Variants in HFE observed in about 807,000 individuals in gnomAD.
HFE encodes the protein hereditary hemochromatosis protein.
In HFE, 36 loss-of-function variants were observed where a neutral mutation model predicts 40.9. The observed-to-expected ratio is 0.88, with a 90% confidence interval of 0.67 to 1.16. HFE has a LOEUF of 1.16. Among genes scored for constraint, HFE ranks in the 50% most tolerant of loss-of-function variants. HFE has a pLI of 0.00. For synonymous variants in HFE, 157 were observed against 165.4 expected, an observed-to-expected ratio of 0.95 and a Z score of 0.39; for missense variants, 376 against 432.0, an observed-to-expected ratio of 0.87 and a Z score of 1.15.
At chr6:26,088,298 A>G (rs556294989) in intron 1 of HFE, among the ~76,000 whole-genome samples, 1 of 152,380 alleles carries the variant, frequency 6.6e-6, no homozygotes, top group South Asian at 2.1e-4. Flanking sequence ...CATGTAAGCA[A>G]TGCACTCACT....
In HFE at chr6:26,092,879, G is replaced by T. The variant is rs1337916669; in HGVS notation, c.811G>T (p.Ala271Ser). 6.2e-7 allele frequency: 1 copy of T among 1,614,190 alleles called. No homozygotes were observed. Among genetic ancestry groups the T allele is most frequent in the African/African-American group, 1.3e-5 (1 of 75,034 alleles). The change falls in exon 4 of 6, where the codon GCT becomes TCT. Residue 271 changes from alanine to serine, a missense_variant. Physicochemically the swap from Ala to Ser is moderately conservative, Grantham distance 99 (BLOSUM62 1). Coordinates refer to ENST00000357618, the MANE Select transcript of HFE (RefSeq NM_000410.4). ...GACCTACCAGGGCTGGATAACCTTG[G>T]CTGTACCCCCTGGGGAAGAGCAGAG... ...DGTYQGWITLAVPPGEEQRYT... is the reference protein window; with the variant it reads ...DGTYQGWITLSVPPGEEQRYT...
At chr6:26,088,915 A>G (rs1762471402) in intron 1 of HFE, among the ~76,000 whole-genome samples, 2 of 152,182 alleles carry the variant, frequency 1.3e-5, no homozygotes, top group South Asian at 4.2e-4. Context: ...AAGATATACA[A>G]CATCAGGAAA....
At position 26,097,479 on chromosome 6, in the gene HFE, T is replaced by C. The variant is rs1763086156; in HGVS notation, c.*3253T>C. On this transcript the variant is annotated 3_prime_UTR_variant, in exon 6 of 6. Transcript: ENST00000357618. ...AGAGAAGGGTGACACCTGGTGGCCA[T>C]AGGTAAATGTACCACGGTGGTCCGG... is the stretch of plus-strand genomic sequence containing the variant. 1 of 152,186 alleles carries C rather than the reference T, an allele frequency of 6.6e-6. No homozygotes were observed. The highest frequency in any genetic ancestry group is 1.5e-5 in the Non-Finnish European group (1 of 68,052). The allele number at this position is 152,186 out of a possible 1,614,324, so 9.4% of individuals were successfully genotyped here.
rs1396429487 is a variant in HFE, at chr6:26,095,046, T to C, written c.*820T>C. 1 of 154,282 alleles carries C rather than the reference T, an allele frequency of 6.5e-6. No individual in the cohort carries two copies. The highest frequency in any genetic ancestry group is 2.4e-5 in the African/African-American group (1 of 41,468). 9.6% of individuals were successfully genotyped at this position (154,282 alleles called of 1,614,324 possible). ...TAATTTTCTACCTGGTCTCTCCTTGTTCTGATAATGAAAATTATGATAAGG... is the reference window on the plus strand; with the variant it reads ...TAATTTTCTACCTGGTCTCTCCTTGCTCTGATAATGAAAATTATGATAAGG... On this transcript the variant is annotated 3_prime_UTR_variant, in exon 6 of 6. Transcript: ENST00000357618.
chr6:26,096,955 C>T lies in HFE; in HGVS notation c.*2729C>T, dbSNP rs987103158. On this transcript the variant is annotated 3_prime_UTR_variant, in exon 6 of 6. Transcript: ENST00000357618. ...TGTCTTACGGAATATTTTCATTCAA[C>T]TGTGGTAGCCGAATTAATCGTGTTT... The T allele has an allele frequency of 2.8e-5, 6 of 217,856 alleles. No homozygotes were observed. Among genetic ancestry groups the T allele is most frequent in the Admixed American group, 5.6e-5 (1 of 17,732 alleles). 13.5% of individuals were successfully genotyped at this position (217,856 alleles called of 1,614,324 possible). A position where few individuals can be genotyped will look rare whatever the true frequency, so the allele number is the denominator to read the frequency against.
At position 26,096,869 on chromosome 6, in the gene HFE, A is replaced by G. The variant is rs560139361; in HGVS notation, c.*2643A>G. ...ATTGAAGTTCTTGTTCATCTTGTGT[A>G]TATACTTAATCGCTTTGTCATTTTG... On this transcript the variant is annotated 3_prime_UTR_variant, in exon 6 of 6. Transcript: ENST00000357618. The G allele has an allele frequency of 3.6e-5, 9 of 250,540 alleles. 1 individual carries two copies. In the East Asian group the frequency reaches 8.5e-4, roughly 24 times the overall value. The allele number at this position is 250,540 out of a possible 1,614,324, so 15.5% of individuals were successfully genotyped here.
chr6:26,092,686 G>A lies in HFE; in HGVS notation c.618G>A (p.Val206=), dbSNP rs902744367. 3 of 1,614,126 alleles carry A rather than the reference G, an allele frequency of 1.9e-6. No homozygotes were observed. The highest frequency in any genetic ancestry group is 2.7e-5 in the African/African-American group (2 of 75,002). The change falls in exon 4 of 6, where the codon GTG becomes GTA. Residue 206 remains valine, a splice_region_variant and synonymous_variant. Transcript: ENST00000357618. ...ELGRGVLDQQ[V]PPLVKVTHHV... is the part of the protein sequence containing the mutation. The stretch of plus-strand genomic sequence containing the variant: ...TCATCCTTCCTCTTTCCTGTCAAGT[G>A]CCTCCTTTGGTGAAGGTGACACATC...
At chr6:26,089,374 T>C (rs1055920297) in intron 1 of HFE, among the ~76,000 whole-genome samples, 1 of 151,812 alleles carries the variant, frequency 6.6e-6, no homozygotes, top group African/African-American at 2.4e-5. Context: ...ACAAACAAGG[T>C]TGTGCAGGCG....
rs953205703 is a variant in HFE at position 26,087,491 on chromosome 6, C to A, written c.51C>A (p.Thr17=). Residue 17 remains threonine (T), a synonymous_variant, in exon 1 of 6, where the codon ACC becomes ACA. Transcript: ENST00000357618. ...TTCTCCTCCTGATGCTTTTGCAGAC[C>A]GCGGTCCTGCAGGGGCGCTTGCTGC... The part of the protein sequence containing the change: ...PALLLLMLLQ[T]AVLQGRLLRS... The A allele has an allele frequency of 2.5e-6, 4 of 1,613,850 alleles. No individual in the cohort carries two copies. The highest frequency in any genetic ancestry group is 1.6e-4 in the Middle Eastern group (1 of 6,076).
rs982585624 is a variant in HFE at position 26,096,764 on chromosome 6, A to C, written c.*2538A>C. The stretch of plus-strand genomic sequence containing the variant: ...GTGAAAAACTATTAACAACTTGTCT[A>C]TTACCTGTTAGTATTATTGTTGCAT... On this transcript the variant is annotated 3_prime_UTR_variant, in exon 6 of 6. Coordinates refer to ENST00000357618, the MANE Select transcript of HFE (RefSeq NM_000410.4). 2.7e-6 allele frequency: 1 copy of C among 366,342 alleles called. No homozygotes were observed. The highest frequency in any genetic ancestry group is 5.3e-6 in the Non-Finnish European group (1 of 189,546). The allele number at this position is 366,342 out of a possible 1,614,324, so 22.7% of individuals were successfully genotyped here.
At chr6:26,093,034 T>A in intron 4 of HFE, 74 bp downstream of exon 4, 18 of 1,614,024 alleles carry the variant, frequency 1.1e-5, no homozygotes, top group Non-Finnish European at 1.4e-5. Flanking sequence ...GAGGTAATTA[T>A]GGCAGTGAGA....
intron 3 of HFE, among the ~76,000 whole-genome samples, chr6:26,092,173 TAAAAAAAAAAAAA>T (rs34225963): frequency 3.0e-5 from 3 of 98,744 alleles, no homozygotes; most frequent in African/African-American, 1.3e-4. Context: ...GACTCCATCT[TAAAAAAAAAAAAA>T]AAAAAAAAAA....
At chr6:26,090,818 A>G in intron 1 of HFE, 23 bp from the exon 2 acceptor site, 1 of 1,612,378 alleles carries the variant, frequency 6.2e-7, no homozygotes, top group Non-Finnish European at 8.5e-7. Context: ...ACACATGGTT[A>G]AGGCCTGTTG....
chr6:26,089,106 T>TGGGGGG (rs576461485), intron 1 of HFE, among the ~76,000 whole-genome samples: 1 of 5,866 alleles, frequency 1.7e-4, no homozygotes, highest in African/African-American at 5.4e-4. Flanking sequence ...TGTGTGTGTG[T>TGGGGGG]GTGGGGGGGG....
At chr6:26,088,955 AG>A (rs1762474100) in intron 1 of HFE, among the ~76,000 whole-genome samples, 1 of 152,116 alleles carries the variant, frequency 6.6e-6, no homozygotes, top group African/African-American at 2.4e-5. Flanking sequence ...CAGAGAAGTC[AG>A]GGCAAGTCAC....
rs1319320999 is a variant in HFE, at chr6:26,091,517, T to C, written c.544T>C (p.Tyr182His). ...GATTCGGGCCAGGCAGAACAGGGCC[T>C]ACCTGGAGAGGGACTGCCCTGCACA... Reference protein sequence around the residue: ...HKIRARQNRAYLERDCPAQLQ... With the variant: ...HKIRARQNRAHLERDCPAQLQ... Residue 182 changes from tyrosine (Y) to histidine (H), a missense_variant, in exon 3 of 6, where the codon TAC (tyrosine) becomes CAC (histidine). Around this residue, in one of 3 missense-constraint regions of HFE, gnomAD observed 200 missense variants for 228.5 expected, o/e 0.88. Transcript: ENST00000357618. The C allele has an allele frequency of 4.3e-6, 7 of 1,613,968 alleles. No individual in the cohort carries two copies. Among genetic ancestry groups the C allele is most frequent in the African/African-American group, 1.3e-5 (1 of 74,892 alleles).
rs1056029674 is a variant in HFE at position 26,096,888 on chromosome 6, C to G, written c.*2662C>G. On this transcript the variant is annotated 3_prime_UTR_variant, in exon 6 of 6. Transcript: ENST00000357618. ...TTGTGTATATACTTAATCGCTTTGT[C>G]ATTTTGGAGACATTTATTTTGCTTC... 8 of 213,870 alleles carry G rather than the reference C, an allele frequency of 3.7e-5. No homozygotes were observed. Among genetic ancestry groups the G allele is most frequent in the African/African-American group, 1.9e-4 (8 of 42,064 alleles). The allele number at this position is 213,870 out of a possible 1,614,324, so 13.2% of individuals were successfully genotyped here. A position where few individuals can be genotyped will look rare whatever the true frequency, so the allele number is the denominator to read the frequency against.
intron 1 of HFE, 94 bp downstream of exon 1, chr6:26,087,610 G>A: frequency 8.9e-7 from 1 of 1,124,858 alleles, no homozygotes; most frequent in Non-Finnish European, 1.3e-6. Flanking sequence ...TGCTAACTTT[G>A]GAGGACCTGC....
chr6:26,093,193 G>A lies in HFE; in HGVS notation c.967G>A (p.Gly323Arg). Residue 323 changes from glycine to arginine, a missense_variant, in exon 5 of 6, where the codon GGA (glycine) becomes AGA (arginine). By Grantham distance (125) the Gly-to-Arg change is moderately radical. Around this residue, in one of 3 missense-constraint regions of HFE, gnomAD observed 173 missense variants for 186.9 expected, o/e 0.93. Transcript: ENST00000357618. ...TGTTTTTGTCGTCATCTTGTTCATT[G>A]GAATTTTGTTCATAATATTAAGGAA... ...IAVFVVILFI[G>R]ILFIILRKRQ... 6.2e-7 allele frequency: 1 copy of A among 1,614,024 alleles called. No homozygotes were observed. The highest frequency in any genetic ancestry group is 8.5e-7 in the Non-Finnish European group (1 of 1,179,978).
Sources: allele counts gnomAD v4.1 joint callset (sites outside exome capture counted in the v4.1 genomes callset), GRCh38; gene constraint gnomAD v4.1.1; regional missense constraint gnomAD v4.1.1; transcripts MANE v1.5; gene names NCBI Gene and HGNC (gene_info 2026-07-23, HGNC 2026-07-21).